Variants in KHDRBS2 observed in about 807,000 individuals in gnomAD.
KHDRBS2 encodes the protein KH RNA binding domain containing, signal transduction associated 2.
KHDRBS2 carries 26 observed loss-of-function variants against 44.3 expected under a neutral mutation model. The ratio of observed to expected loss-of-function variants is 0.59; its 90% CI spans 0.43 to 0.81. The LOEUF (loss-of-function observed/expected upper bound fraction) is 0.81, where lower values mean the gene tolerates loss of function less well. Among genes scored for constraint, KHDRBS2 ranks in the 40% least tolerant of loss-of-function variants. The probability of loss-of-function intolerance (pLI) is 0.00; values close to 1 mark genes in which losing one functional copy is unlikely to be tolerated. For synonymous variants in KHDRBS2, 194 were observed against 151.1 expected (o/e 1.28, Z -2.08); for missense variants, 476 against 433.1 (o/e 1.10, Z -0.88).
intron 6 of KHDRBS2, among the ~76,000 whole-genome samples, chr6:61,771,914 C>A (rs1352356083): frequency 6.6e-6 from 1 of 152,094 alleles, no homozygotes; most frequent in Non-Finnish European, 1.5e-5. Flanking sequence ...ACACCTACTC[C>A]AAAATTGACC....
At chr6:61,597,526 A>G in the KHDRBS2 span, among the ~76,000 whole-genome samples, 2 of 151,560 alleles carry the variant, frequency 1.3e-5, no homozygotes, top group African/African-American at 4.8e-5. Flanking sequence ...GAACTCTCAT[A>G]TTTGTTCTTA....
chr6:61,675,102 T>G (rs1043514736), downstream of KHDRBS2, among the ~76,000 whole-genome samples: 3 of 151,770 alleles, frequency 2.0e-5, no homozygotes, highest in African/African-American at 7.2e-5. Context: ...TGAACCACAG[T>G]CACCCTACTG....
At chr6:61,714,714 C>A (rs2127552342) in intron 7 of KHDRBS2, among the ~76,000 whole-genome samples, 1 of 151,952 alleles carries the variant, frequency 6.6e-6, no homozygotes, top group Non-Finnish European at 1.5e-5. Flanking sequence ...TACTACTCAT[C>A]CATAAAAAAG....
intron 4 of KHDRBS2, among the ~76,000 whole-genome samples, chr6:61,977,534 T>A (rs1772923822): frequency 6.6e-6 from 1 of 152,142 alleles, no homozygotes; most frequent in African/African-American, 2.4e-5. Context: ...TCAACAGATG[T>A]CTGGCTTTAC....
intron 2 of KHDRBS2, among the ~76,000 whole-genome samples, chr6:62,159,457 G>A (rs1286260738): frequency 6.6e-6 from 1 of 152,098 alleles, no homozygotes; most frequent in Non-Finnish European, 1.5e-5. Context: ...TGGAAATTCT[G>A]TAAGATGACA....
At chr6:61,953,996 A>T (rs1482841725) in intron 4 of KHDRBS2, among the ~76,000 whole-genome samples, 2 of 152,188 alleles carry the variant, frequency 1.3e-5, no homozygotes, top group Non-Finnish European at 2.9e-5. Context: ...ATGGTGATAC[A>T]AACATGACAA....
rs1180750340 is a variant in KHDRBS2, at chr6:61,848,491, GTATATATA to G, written c.810+46136_810+46143del. On this transcript the variant is annotated intron_variant, in intron 6 of 8. Coordinates refer to ENST00000281156, the MANE Select transcript of KHDRBS2 (RefSeq NM_152688.4). Reference sequence around the variant, plus strand: ...GTTTTATATATATATATATATATATGTATATATATATATATATATGTATATATGTATAT... The same window carrying G: ...GTTTTATATATATATATATATATATGTATATATATATGTATATATGTATAT... Among the ~76,000 whole-genome samples, 7 of 30,470 alleles carry G rather than the reference GTATATATA, an allele frequency of 2.3e-4. 1 individual carries two copies. The East Asian group carries it at 3.3e-3, about 14-fold the overall frequency. The allele number at this position is 30,470 out of a possible 152,430, so 20.0% of individuals were successfully genotyped here.
intron 8 of KHDRBS2, among the ~76,000 whole-genome samples, chr6:61,694,294 CTAAACGTGTA>C (rs2127542873): frequency 6.6e-6 from 1 of 152,236 alleles, no homozygotes; most frequent in East Asian, 1.9e-4. Flanking sequence ...GTAATGTTCT[CTAAACGTGTA>C]TAAAATTATT....
the KHDRBS2 span, among the ~76,000 whole-genome samples, chr6:61,618,634 C>T: frequency 6.6e-6 from 1 of 152,192 alleles, no homozygotes. Context: ...ACCCATCACA[C>T]TCTGATAGGC....
chr6:61,982,467 C>T (rs1450118302), intron 3 of KHDRBS2, among the ~76,000 whole-genome samples: 2 of 151,794 alleles, frequency 1.3e-5, no homozygotes, highest in Non-Finnish European at 2.9e-5. Context: ...GTCAGGAGAT[C>T]GAGACCATCC....
At chr6:62,041,966 A>G (rs1216821087) in intron 3 of KHDRBS2, among the ~76,000 whole-genome samples, 1 of 152,082 alleles carries the variant, frequency 6.6e-6, no homozygotes, top group Non-Finnish European at 1.5e-5. Flanking sequence ...CTAATTTGAG[A>G]AATTGTCTCA....
chr6:62,062,298 T>G (rs1286952717), intron 2 of KHDRBS2, among the ~76,000 whole-genome samples: 1 of 146,092 alleles, frequency 6.8e-6, no homozygotes, highest in Admixed American at 7.0e-5. Context: ...TCTACAGAAC[T>G]TTCCACCCCA....
intron 2 of KHDRBS2, 57 bp downstream of exon 2, chr6:62,177,128 G>T: frequency 3.9e-6 from 4 of 1,013,234 alleles, no homozygotes; most frequent in Non-Finnish European, 4.3e-6. Flanking sequence ...TTAAAATACC[G>T]TCTTCTTTTA....
chr6:61,975,362 T>C (rs1772366099), intron 4 of KHDRBS2, among the ~76,000 whole-genome samples: 1 of 152,140 alleles, frequency 6.6e-6, no homozygotes, highest in South Asian at 2.1e-4. Context: ...TCATCTACAA[T>C]GTTTGCAAAT....
chr6:62,239,842 T>C (rs1208797342), intron 1 of KHDRBS2, among the ~76,000 whole-genome samples: 1 of 151,876 alleles, frequency 6.6e-6, no homozygotes, highest in African/African-American at 2.4e-5. Context: ...CCCACCACCA[T>C]GCCCGACCAA....
intron 8 of KHDRBS2, among the ~76,000 whole-genome samples, chr6:61,687,239 T>A (rs1297923845): frequency 1.3e-5 from 2 of 151,846 alleles, no homozygotes; most frequent in Non-Finnish European, 2.9e-5. Context: ...CCATCATTTG[T>A]CCTCTCAGAA....
the KHDRBS2 span, among the ~76,000 whole-genome samples, chr6:61,660,681 G>A: frequency 6.6e-6 from 1 of 151,596 alleles, no homozygotes; most frequent in African/African-American, 2.4e-5. Context: ...TATTCTACTG[G>A]GTTCTGTTCT....
intron 1 of KHDRBS2, among the ~76,000 whole-genome samples, chr6:62,279,795 C>G (rs1841539141): frequency 6.6e-6 from 1 of 152,106 alleles, no homozygotes; most frequent in African/African-American, 2.4e-5. Context: ...TAGGAGAGGA[C>G]AGAGAGAAGA....
At chr6:61,632,548 A>G in the KHDRBS2 span, among the ~76,000 whole-genome samples, 2 of 152,200 alleles carry the variant, frequency 1.3e-5, no homozygotes, top group Non-Finnish European at 2.9e-5. Flanking sequence ...TCAAAAAGTA[A>G]AAGTTCATAT....
Sources: allele counts gnomAD v4.1 joint callset (sites outside exome capture counted in the v4.1 genomes callset), GRCh38; gene constraint gnomAD v4.1.1; transcripts MANE v1.5; gene names NCBI Gene and HGNC (gene_info 2026-07-23, HGNC 2026-07-21).